ADARB1: variants seen among roughly 807,000 people sequenced by gnomAD.
The protein encoded by ADARB1 is double-stranded RNA-specific editase 1.
ADARB1 carries 10 observed loss-of-function variants against 52.4 expected under a neutral mutation model. That is an observed-to-expected ratio of 0.19 (90% CI 0.12 to 0.32). The LOEUF is 0.32. ADARB1 is among the 10% of genes least tolerant of loss of function. The pLI is 1.00. For synonymous variants in ADARB1, 349 were observed against 371.1 expected (o/e 0.94, Z 0.68); for missense variants, 643 against 922.3 (o/e 0.70, Z 3.92).
rs17004740 is a variant in ADARB1, at chr21:45,123,165, A to T, written c.-219-5237A>T. Among the ~76,000 whole-genome samples, 1,201 of 152,292 alleles carry T rather than the reference A, an allele frequency of 7.9e-3. 11 individuals are homozygous for T. Among genetic ancestry groups the T allele is most frequent in the African/African-American group, 0.027 (1,124 of 41,544 alleles). ...AGAGAATAATTTTAATTGCATGTCCATGTAACTCTCACCCAGGTTAAATAG... is the reference window on the plus strand; with the variant it reads ...AGAGAATAATTTTAATTGCATGTCCTTGTAACTCTCACCCAGGTTAAATAG... On this transcript the variant is annotated intron_variant, in intron 1 of 10. Coordinates refer to ENST00000348831, the MANE Select transcript of ADARB1 (RefSeq NM_001112.4).
At chr21:45,085,276 C>T (rs1449202833) in intron 1 of ADARB1, among the ~76,000 whole-genome samples, 8 of 152,108 alleles carry the variant, frequency 5.3e-5, no homozygotes, top group Non-Finnish European at 8.8e-5. Context: ...AGGGATATCC[C>T]CAGGTAGAGA....
chr21:45,208,676 A>AGTGTGTGTGCGTGTGTG lies in ADARB1; in HGVS notation c.1747+3940_1747+3941insGTGTGTGTGCGTGTGTG, dbSNP rs2092711348. On this transcript the variant is annotated intron_variant, in intron 9 of 10. Transcript: ENST00000348831. This position sits in a 1 kb window ranked among gnomAD's most constrained non-coding sequence, Gnocchi z 5.6. ...AGTGTGTGCATGAGTGCGTGTGTGT[A>AGTGTGTGTGCGTGTGTG]TGAGTGTGTGTGCATGTGTGTGTGC... 6.6e-6 allele frequency among the ~76,000 whole-genome samples: 1 copy of AGTGTGTGTGCGTGTGTG among 151,464 alleles called. No individual in the cohort carries two copies. The highest frequency in any genetic ancestry group is 6.6e-5 in the Admixed American group (1 of 15,218).
chr21:45,107,762 A>G, intron 1 of ADARB1, among the ~76,000 whole-genome samples: 1 of 152,238 alleles, frequency 6.6e-6, no homozygotes, highest in Middle Eastern at 3.2e-3. Flanking sequence ...ATGGTTGAAT[A>G]TTACCTATGT....
chr21:45,132,853 G>C (rs947697784), intron 2 of ADARB1, among the ~76,000 whole-genome samples: 1 of 152,184 alleles, frequency 6.6e-6, no homozygotes, highest in African/African-American at 2.4e-5. Flanking sequence ...TTTGAAAGCA[G>C]AGTCTACTGG....
intron 8 of ADARB1, among the ~76,000 whole-genome samples, chr21:45,187,494 CTTTA>C (rs1314621670): frequency 6.6e-6 from 1 of 152,118 alleles, no homozygotes; most frequent in Non-Finnish European, 1.5e-5. Context: ...TTTGGATGCC[CTTTA>C]TTTCTTTTTC....
At chr21:45,117,145 C>T (rs1349462263) in intron 1 of ADARB1, 1 of 152,202 alleles carries the variant, frequency 6.6e-6, no homozygotes, top group Non-Finnish European at 1.5e-5. Context: ...CCTTGCATTT[C>T]CTGGATTGCT....
In ADARB1 at chr21:45,223,593, C is replaced by T; in HGVS notation, c.*1396C>T. ...GGGTGTTCAGGTGGGTCTCCTGGGGCCATGGGGAGAGATTGGTGCAGACCT... is the reference window on the plus strand; with the variant it reads ...GGGTGTTCAGGTGGGTCTCCTGGGGTCATGGGGAGAGATTGGTGCAGACCT... On this transcript the variant is annotated 3_prime_UTR_variant, in exon 11 of 11. Transcript: ENST00000348831. 1 of 985,690 alleles carries T rather than the reference C, an allele frequency of 1.0e-6. No individual in the cohort carries two copies. The allele number at this position is 985,690 out of a possible 1,614,324, so 61.1% of individuals were successfully genotyped here. A position where few individuals can be genotyped will look rare whatever the true frequency, so the allele number is the denominator to read the frequency against.
intron 8 of ADARB1, among the ~76,000 whole-genome samples, chr21:45,203,783 G>A (rs1016671699): frequency 1.3e-5 from 2 of 152,214 alleles, no homozygotes; most frequent in African/African-American, 4.8e-5. Flanking sequence ...ACCTCTTGAA[G>A]AGCTGTCCTT....
intron 1 of ADARB1, among the ~76,000 whole-genome samples, chr21:45,083,016 T>A (rs1359239840): frequency 6.6e-6 from 1 of 152,232 alleles, no homozygotes; most frequent in African/African-American, 2.4e-5. Context: ...CATGCACCAT[T>A]GTGTGCTGCG....
intron 1 of ADARB1, among the ~76,000 whole-genome samples, chr21:45,092,510 C>A (rs1412082397): frequency 6.6e-6 from 1 of 152,186 alleles, no homozygotes; most frequent in African/African-American, 2.4e-5. Flanking sequence ...AGGACCAAAT[C>A]TTAATCCTGG....
intron 1 of ADARB1, among the ~76,000 whole-genome samples, chr21:45,093,665 T>G (rs1411030793): frequency 2.0e-5 from 3 of 152,184 alleles, no homozygotes; most frequent in African/African-American, 7.2e-5. Context: ...GCATCTTTTC[T>G]CCAGGGGGCT....
intron 3 of ADARB1, chr21:45,171,887 GT>G (rs781648692): frequency 3.2e-4 from 181 of 560,700 alleles, no homozygotes; most frequent in Non-Finnish European, 5.1e-4. Context: ...TTCCTTCCTC[GT>G]TATCGTCGTG....
rs1412174982 is a variant in ADARB1, at chr21:45,223,728, G to A, written c.*1531G>A. ...GGCAGAGGGGCGTCATCCTCCCACC[G>A]GACGCTGGGAGCTCAGACCCCAAAA... On this transcript the variant is annotated 3_prime_UTR_variant, in exon 11 of 11. Transcript: ENST00000348831. 3.2e-5 allele frequency: 32 copies of A among 985,316 alleles called. No individual in the cohort carries two copies. The highest frequency in any genetic ancestry group is 1.8e-4 in the Admixed American group (3 of 16,266). The allele number at this position is 985,316 out of a possible 1,614,324, so 61.0% of individuals were successfully genotyped here. A position where few individuals can be genotyped will look rare whatever the true frequency, so the allele number is the denominator to read the frequency against.
intron 1 of ADARB1, among the ~76,000 whole-genome samples, chr21:45,105,753 G>A (rs1215724554): frequency 4.6e-5 from 7 of 152,164 alleles, no homozygotes; most frequent in East Asian, 1.9e-4. Flanking sequence ...GGCTTCCTTC[G>A]TGAAAACGTA....
At position 45,223,756 on chromosome 21, in the gene ADARB1, G is replaced by GAA. The variant is rs1236723177; in HGVS notation, c.*1561_*1562dup. ...CGCTGGGAGCTCAGACCCCAAAACT[G>GAA]AAACACCGTGGCTTCGGCGGGGGGT... On this transcript the variant is annotated 3_prime_UTR_variant, in exon 11 of 11. Transcript: ENST00000348831. The GAA allele has an allele frequency of 2.0e-6, 2 of 985,336 alleles. No homozygotes were observed. The highest frequency in any genetic ancestry group is 2.4e-6 in the Non-Finnish European group (2 of 829,968). 61.0% of individuals were successfully genotyped at this position (985,336 alleles called of 1,614,324 possible). A position where few individuals can be genotyped will look rare whatever the true frequency, so the allele number is the denominator to read the frequency against.
At chr21:45,171,814 T>C (rs1206109652) in intron 3 of ADARB1, 130 bp downstream of exon 3, 3 of 820,976 alleles carry the variant, frequency 3.7e-6, no homozygotes, top group East Asian at 5.7e-5. Context: ...CTACTGACAG[T>C]GGCATGTTTT....
intron 8 of ADARB1, among the ~76,000 whole-genome samples, chr21:45,197,683 G>A (rs945566613): frequency 1.5e-4 from 23 of 152,166 alleles, no homozygotes; most frequent in Admixed American, 3.3e-4. Flanking sequence ...GCCATCAACC[G>A]GTAAATAGAT....
intron 1 of ADARB1, among the ~76,000 whole-genome samples, chr21:45,079,890 C>T (rs1334472746): frequency 2.6e-5 from 4 of 152,046 alleles, no homozygotes; most frequent in African/African-American, 9.7e-5. Context: ...AGTATGGATA[C>T]AGAGGAGCAG....
At chr21:45,206,167 T>G (rs1322295353) in intron 9 of ADARB1, among the ~76,000 whole-genome samples, 1 of 152,264 alleles carries the variant, frequency 6.6e-6, no homozygotes, top group Non-Finnish European at 1.5e-5. Context: ...CTCTTTGCTC[T>G]CTGTCTTCTG....
Sources: gnomAD v4.1 joint callset for allele counts (sites outside exome capture counted in the v4.1 genomes callset) on GRCh38, gnomAD v4.1.1 for gene constraint, Gnocchi (gnomAD v3.1) non-coding constraint, MANE v1.5 for transcripts, NCBI Gene and HGNC (gene_info 2026-07-23, HGNC 2026-07-21) for gene names.